Variants in MARCHF7 observed in about 807,000 individuals in gnomAD.
MARCHF7 encodes E3 ubiquitin-protein ligase MARCHF7.
A neutral mutation model predicts 76.5 loss-of-function variants in MARCHF7; 20 were observed. The observed-to-expected ratio is 0.26, with a 90% confidence interval of 0.18 to 0.38. The LOEUF (loss-of-function observed/expected upper bound fraction) is 0.38, where lower values mean the gene tolerates loss of function less well. MARCHF7 is among the 10% of genes least tolerant of loss of function. The probability of loss-of-function intolerance (pLI) is 1.00; values close to 1 mark genes in which losing one functional copy is unlikely to be tolerated. For missense variants in MARCHF7, 797 were observed against 812.9 expected (o/e 0.98, Z 0.24); for synonymous variants, 295 against 293.0 (o/e 1.01, Z -0.07).
At chr2:159,763,464 G>A (rs1410271468) in intron 10 of MARCHF7, among the ~76,000 whole-genome samples, 2 of 152,190 alleles carry the variant, frequency 1.3e-5, no homozygotes, top group South Asian at 2.1e-4. Flanking sequence ...GGAATAGTTG[G>A]TTGTTTACTG....
Position 159,768,075 on chromosome 2 carries a change from G to C in MARCHF7, c.*733G>C, listed in dbSNP as rs1707982548. 1.3e-5 allele frequency: 2 copies of C among 152,446 alleles called. No individual in the cohort carries two copies. The highest frequency in any genetic ancestry group is 4.1e-4 in the South Asian group (2 of 4,822). 9.4% of individuals were successfully genotyped at this position (152,446 alleles called of 1,614,324 possible). Reference sequence around the variant, plus strand: ...TACAGCTGTAAATTATATGAGACTTGCCAGTCAAATGCTATTTGGTTTAAA... The same window carrying C: ...TACAGCTGTAAATTATATGAGACTTCCCAGTCAAATGCTATTTGGTTTAAA... On this transcript the variant is annotated 3_prime_UTR_variant, in exon 12 of 12. Coordinates refer to ENST00000409175, the MANE Select transcript of MARCHF7 (RefSeq NM_001282805.2).
At chr2:159,734,092 A>G (rs747339673) in intron 4 of MARCHF7, 2 of 1,321,160 alleles carry the variant, frequency 1.5e-6, no homozygotes, top group Non-Finnish European at 2.0e-6. Context: ...AGTAAGCAAA[A>G]TTTACATGTT....
chr2:159,721,645 A>G (rs930938260), intron 3 of MARCHF7, among the ~76,000 whole-genome samples: 9 of 152,170 alleles, frequency 5.9e-5, no homozygotes, highest in Non-Finnish European at 1.0e-4. Flanking sequence ...TAGATTCCTT[A>G]CACACTCAAT....
At chr2:159,757,808 T>C (rs1560025117) in intron 8 of MARCHF7, among the ~76,000 whole-genome samples, 1 of 152,228 alleles carries the variant, frequency 6.6e-6, no homozygotes, top group African/African-American at 2.4e-5. Context: ...TCATGTATGC[T>C]AGACTCCAAA....
At chr2:159,713,046 G>T (rs1295230031) in intron 1 of MARCHF7, among the ~76,000 whole-genome samples, 5 of 152,216 alleles carry the variant, frequency 3.3e-5, no homozygotes, top group Non-Finnish European at 5.9e-5. Flanking sequence ...CGGTGAGCGC[G>T]GGGCAAAGGC....
At chr2:159,739,012 G>T (rs1199364323) in intron 4 of MARCHF7, among the ~76,000 whole-genome samples, 2 of 152,214 alleles carry the variant, frequency 1.3e-5, no homozygotes, top group Admixed American at 6.5e-5. Flanking sequence ...GCAGTGGGCT[G>T]GTGTGTCGGC....
chr2:159,733,294 G>C (rs938919352), intron 4 of MARCHF7: 1 of 685,082 alleles, frequency 1.5e-6, no homozygotes, highest in African/African-American at 2.0e-5. Context: ...TTGGAGTATA[G>C]TAGCACAATC....
intron 5 of MARCHF7, among the ~76,000 whole-genome samples, chr2:159,745,383 C>T (rs560443036): frequency 3.9e-5 from 6 of 152,194 alleles, no homozygotes; most frequent in Admixed American, 2.6e-4. Context: ...AGGCCGGGTG[C>T]GGTGGCTCGT....
At position 159,729,148 on chromosome 2, in the gene MARCHF7, T is replaced by C; in HGVS notation, c.126T>C (p.Ser42=). 1 of 1,599,828 alleles carries C rather than the reference T, an allele frequency of 6.3e-7. No homozygotes were observed. Among genetic ancestry groups the C allele is most frequent in the Admixed American group, 1.8e-5 (1 of 56,436 alleles). The change falls in exon 4 of 12, where the codon TCT becomes TCC. Residue 42 remains serine (S), a synonymous_variant. Transcript: ENST00000409175. ...ATGATACCTATCACTCAAGAGACTC[T>C]TCATTTAGATTGGATTCTGAATATC... ...SLNDTYHSRD[S]SFRLDSEYQS...
intron 5 of MARCHF7, among the ~76,000 whole-genome samples, chr2:159,744,462 T>G (rs1704596918): frequency 1.3e-5 from 2 of 152,208 alleles, no homozygotes; most frequent in South Asian, 4.1e-4. Context: ...AAAGATCTTT[T>G]GTTGAAAGGT....
chr2:159,729,124 T>C lies in MARCHF7; in HGVS notation c.102T>C (p.Asn34=). ...MMSGSRGSSL[N]DTYHSRDSSF... is the part of the protein sequence containing the mutation. ...CTGGAAGCAGAGGAAGTAGTTTAAA[T>C]GATACCTATCACTCAAGAGACTCTT... Residue 34 remains asparagine (N), a synonymous_variant, in exon 4 of 12, where the codon AAT becomes AAC. Coordinates refer to ENST00000409175, the MANE Select transcript of MARCHF7 (RefSeq NM_001282805.2). 1 of 1,611,076 alleles carries C rather than the reference T, an allele frequency of 6.2e-7. No individual in the cohort carries two copies. The highest frequency in any genetic ancestry group is 8.5e-7 in the Non-Finnish European group (1 of 1,178,930).
Position 159,769,424 on chromosome 2 carries a change from C to G in MARCHF7, c.*2082C>G, listed in dbSNP as rs550908482. On this transcript the variant is annotated 3_prime_UTR_variant, in exon 12 of 12. Transcript: ENST00000409175. ...TTGGGAGACCAAGGTGGGTGGATCA[C>G]TTGAGGTCAGGAGTTTGAGACCAGC... 1 of 152,342 alleles carries G rather than the reference C, an allele frequency of 6.6e-6. No individual in the cohort carries two copies. Among genetic ancestry groups the G allele is most frequent in the African/African-American group, 2.4e-5 (1 of 41,560 alleles). The allele number at this position is 152,342 out of a possible 1,614,324, so 9.4% of individuals were successfully genotyped here. A position where few individuals can be genotyped will look rare whatever the true frequency, so the allele number is the denominator to read the frequency against.
intron 9 of MARCHF7, among the ~76,000 whole-genome samples, chr2:159,761,406 C>CTTGTTTTTTT (rs1707064140): frequency 1.4e-5 from 1 of 73,778 alleles, no homozygotes; most frequent in African/African-American, 5.4e-5. Flanking sequence ...TGAATCATTT[C>CTTGTTTTTTT]TTTTTTTTTT....
At chr2:159,729,229 C>A (rs3821299) in intron 4 of MARCHF7, 54 bp downstream of exon 4, 459,075 of 1,318,476 alleles carry the variant, frequency 0.35, 80,953 homozygotes, top group South Asian at 0.45. Flanking sequence ...ATCCCTAGGG[C>A]CACTCTTTTG....
rs186597228 is a variant in MARCHF7, at chr2:159,716,424, A to T, written c.-15+658A>T. 4.3e-4 allele frequency among the ~76,000 whole-genome samples: 65 copies of T among 152,216 alleles called. No homozygotes were observed. The East Asian group carries it at 0.012, about 29-fold the overall frequency. On this transcript the variant is annotated intron_variant, in intron 3 of 11. Transcript: ENST00000409175. Reference sequence around the variant, plus strand: ...CGCTTTGGGAGGCCGAGACAGGCAGATTGCTTGAGCTCAGGAGTTCAAGAC... The same window carrying T: ...CGCTTTGGGAGGCCGAGACAGGCAGTTTGCTTGAGCTCAGGAGTTCAAGAC...
chr2:159,763,018 A>AGGGAG lies in MARCHF7; in HGVS notation c.2007+28_2007+32dup, dbSNP rs777353150. On this transcript the variant is annotated intron_variant, in intron 10 of 11. Transcript: ENST00000409175. The stretch of plus-strand genomic sequence containing the variant: ...AGTAAGTAATAATGAAGTTGGGGAG[A>AGGGAG]GGGAGGGTATGATGCAGCAAGTGTA... 5.1e-4 allele frequency: 771 copies of AGGGAG among 1,505,874 alleles called. 3 individuals are homozygous for AGGGAG. The highest frequency in any genetic ancestry group is 6.6e-4 in the South Asian group (58 of 87,986). 93.3% of individuals were successfully genotyped at this position (1,505,874 alleles called of 1,614,324 possible).
chr2:159,762,553 A>C (rs1461003010), intron 9 of MARCHF7, among the ~76,000 whole-genome samples: 1 of 152,128 alleles, frequency 6.6e-6, no homozygotes, highest in Non-Finnish European at 1.5e-5. Context: ...TTTTAACTAA[A>C]TATATATAGC....
intron 11 of MARCHF7, among the ~76,000 whole-genome samples, chr2:159,765,028 G>A (rs1707597009): frequency 6.6e-6 from 1 of 151,538 alleles, no homozygotes; most frequent in African/African-American, 2.4e-5. Flanking sequence ...GTTTTGTTTC[G>A]TTTCTGGTAA....
intron 4 of MARCHF7, among the ~76,000 whole-genome samples, chr2:159,731,310 G>A (rs1559998997): frequency 6.6e-6 from 1 of 152,086 alleles, no homozygotes; most frequent in Non-Finnish European, 1.5e-5. Flanking sequence ...AGCTACTGTT[G>A]CATGTTTTTT....
Sources: allele counts gnomAD v4.1 joint callset (sites outside exome capture counted in the v4.1 genomes callset), GRCh38; gene constraint gnomAD v4.1.1; transcripts MANE v1.5; gene names NCBI Gene and HGNC (gene_info 2026-07-23, HGNC 2026-07-21).